NEB: variants seen among roughly 807,000 people sequenced by gnomAD.
NEB encodes nemaline myopathy type 2.
A neutral mutation model predicts 952.2 loss-of-function variants in NEB; 512 were observed. That is an observed-to-expected ratio of 0.54 (90% CI 0.50 to 0.58). The LOEUF is 0.58. Among genes scored for constraint, NEB ranks in the 20% least tolerant of loss-of-function variants. NEB has a pLI of 0.00. For synonymous variants in NEB, 2,900 were observed against 3,149.8 expected (o/e 0.92, Z 2.66); for missense variants, 8,428 against 9,231.1 (o/e 0.91, Z 3.56).
intron 178 of NEB, 140 bp downstream of exon 178, chr2:151,491,958 G>A: frequency 9.6e-7 from 1 of 1,038,778 alleles, no homozygotes; most frequent in East Asian, 2.4e-5. Flanking sequence ...TGTAAACTAT[G>A]AGATAATAGG....
intron 81 of NEB, 100 bp downstream of exon 81, chr2:151,609,709 G>A: frequency 8.7e-7 from 1 of 1,144,370 alleles, no homozygotes; most frequent in South Asian, 2.0e-5. Flanking sequence ...CCAGGTTTGT[G>A]CAGTGCACAG....
chr2:151,629,074 A>G (rs1026094498), intron 68 of NEB, among the ~76,000 whole-genome samples: 3 of 149,130 alleles, frequency 2.0e-5, no homozygotes, highest in Admixed American at 2.0e-4. Flanking sequence ...ATAATTTTCC[A>G]AAAAAAAATG....
intron 7 of NEB, 59 bp from the exon 8 acceptor site, chr2:151,724,423 T>A: frequency 1.5e-6 from 2 of 1,319,272 alleles, no homozygotes; most frequent in Non-Finnish European, 2.2e-6. Context: ...CATGAGGATT[T>A]AAACAACAAA....
At chr2:151,505,440 C>T (rs369636789) in intron 165 of NEB, 38 bp downstream of exon 165, 132 of 1,527,606 alleles carry the variant, frequency 8.6e-5, no homozygotes, top group Non-Finnish European at 1.1e-4. Flanking sequence ...TGAGAGATGG[C>T]CAGTCACACA....
Position 151,664,886 on chromosome 2 carries a change from A to G in NEB, c.5239-23T>C, listed in dbSNP as rs751024964. On this transcript the variant is annotated intron_variant, in intron 42 of 181. Transcript: ENST00000397345. ...CCTCTGCAATGAGAAAGTCAGGTGC[A>G]TGATTTTACAGCAGGACAAGTTTGA... is the stretch of plus-strand genomic sequence containing the variant. The G allele has an allele frequency of 6.5e-6, 10 of 1,544,218 alleles. No homozygotes were observed. The East Asian group carries it at 1.8e-4, about 28-fold the overall frequency.
chr2:151,528,484 T>G (rs2088060868), intron 146 of NEB, among the ~76,000 whole-genome samples: 1 of 152,228 alleles, frequency 6.6e-6, no homozygotes, highest in Non-Finnish European at 1.5e-5. Context: ...TACGTTTTAC[T>G]GCATTTGCTT....
At chr2:151,733,030 ATGTATTTTTC>A (rs2099812733) in intron 3 of NEB, 81 bp downstream of exon 3, 9 of 1,118,440 alleles carry the variant, frequency 8.0e-6, no homozygotes, top group Middle Eastern at 2.0e-4. Flanking sequence ...ATAATAGACA[ATGTATTTTTC>A]GAATGATTAA....
Position 151,553,938 on chromosome 2 carries a change from G to C in NEB, c.19516C>G (p.Gln6506Glu). 6.2e-7 allele frequency: 1 copy of C among 1,613,858 alleles called. No individual in the cohort carries two copies. The highest frequency in any genetic ancestry group is 8.5e-7 in the Non-Finnish European group (1 of 1,179,800). ...TAATCAATCTCACTGACTTTCTTCT[G>C]GGAATCCTTGGCAGTAACCATCTCT... ...MVEMVTAKDS[Q>E]KKVSEIDYRL... The change falls in exon 126 of 182, where the codon CAG becomes GAG. Residue 6506 changes from glutamine (Q) to glutamate (E), a missense_variant. Gln to Glu is a conservative substitution (Grantham distance 29, BLOSUM62 2). Coordinates refer to ENST00000397345, the MANE Select transcript of NEB (RefSeq NM_001164508.2).
chr2:151,609,123 A>T (rs1007346042), intron 81 of NEB, among the ~76,000 whole-genome samples: 17 of 150,838 alleles, frequency 1.1e-4, no homozygotes, highest in African/African-American at 2.4e-4. Flanking sequence ...ATTTAAAAAA[A>T]TTTTTTTAAG....
At chr2:151,691,767 A>C (rs1241551461) in intron 23 of NEB, 97 bp downstream of exon 23, 1 of 924,490 alleles carries the variant, frequency 1.1e-6, no homozygotes, top group African/African-American at 1.7e-5. Flanking sequence ...TCTCCTTCTA[A>C]TCACTAGATA....
chr2:151,717,559 T>C (rs369276552), intron 9 of NEB, 39 bp from the exon 10 acceptor site: 39 of 1,425,392 alleles, frequency 2.7e-5, no homozygotes, highest in Admixed American at 3.5e-5. Flanking sequence ...TTAAAAACGA[T>C]TATGCTTTCA....
At chr2:151,655,509 G>A in intron 50 of NEB, 135 bp from the exon 51 acceptor site, 1 of 515,518 alleles carries the variant, frequency 1.9e-6, no homozygotes, top group East Asian at 3.1e-5. Flanking sequence ...ATATAATTCA[G>A]AAAAGACCCT....
At chr2:151,550,266 C>CAAAAA (rs57057802) in intron 129 of NEB, among the ~76,000 whole-genome samples, 2 of 73,362 alleles carry the variant, frequency 2.7e-5, no homozygotes, top group Admixed American at 1.8e-4. Flanking sequence ...ACCCTGTCTC[C>CAAAAA]AAAAAAAAAA....
In NEB at chr2:151,527,502, C is replaced by T. The variant is rs1421876532; in HGVS notation, c.21819G>A (p.Lys7273=). 2 of 1,613,102 alleles carry T rather than the reference C, an allele frequency of 1.2e-6. No homozygotes were observed. Among genetic ancestry groups the T allele is most frequent in the African/African-American group, 2.7e-5 (2 of 74,900 alleles). The change falls in exon 147 of 182, where the codon AAG becomes AAA. Residue 7273 remains lysine (K), a synonymous_variant. Transcript: ENST00000397345. ...TTACATCGCTTTGCTGCAGGGATGA[C>T]TTGGCAGCCTGGAGGAAGTCCGGTC... The part of the protein sequence containing the change: ...PDRPDFLQAA[K]SSLQQSDFEY...
rs780247638 is a variant in NEB at position 151,654,025 on chromosome 2, C to T, written c.6882G>A (p.Gln2294=). 3.7e-6 allele frequency: 6 copies of T among 1,612,576 alleles called. No homozygotes were observed. The highest frequency in any genetic ancestry group is 1.3e-5 in the African/African-American group (1 of 75,026). ...YDLPVDAISV[Q]LAKASRDIAS... Reference sequence around the variant, plus strand: ...CAATGTCTCTTGAAGCTTTAGCTAGCTGTACAGAAATTGCATCAACTGGGA... The same window carrying T: ...CAATGTCTCTTGAAGCTTTAGCTAGTTGTACAGAAATTGCATCAACTGGGA... The change falls in exon 52 of 182, where the codon CAG becomes CAA. Residue 2294 remains glutamine (Q), a synonymous_variant. Transcript: ENST00000397345.
chr2:151,620,835 T>C, intron 72 of NEB, 84 bp downstream of exon 72: 1 of 1,056,296 alleles, frequency 9.5e-7, no homozygotes, highest in African/African-American at 1.6e-5. Flanking sequence ...GGAGTTAAGG[T>C]GGATGATGAC....
intron 20 of NEB, among the ~76,000 whole-genome samples, chr2:151,692,600 T>G (rs1337771216): frequency 1.3e-5 from 2 of 152,198 alleles, no homozygotes; most frequent in Non-Finnish European, 2.9e-5. Flanking sequence ...TTTTTCAGAC[T>G]GAAAAACGCA....
intron 129 of NEB, among the ~76,000 whole-genome samples, chr2:151,550,947 A>AATTATT (rs5835373): frequency 0.1 from 14,224 of 138,740 alleles, 795 homozygotes; most frequent in Middle Eastern, 0.13. Context: ...GCCTGGCCAA[A>AATTATT]ATTATTATTA....
intron 167 of NEB, 39 bp from the exon 168 acceptor site, chr2:151,501,522 C>T (rs2064537027): frequency 1.5e-5 from 18 of 1,225,552 alleles, no homozygotes; most frequent in Non-Finnish European, 1.9e-5. Flanking sequence ...AACCTGGACC[C>T]ATCATTTTTT....
Sources: gnomAD v4.1 joint callset for allele counts (sites outside exome capture counted in the v4.1 genomes callset) on GRCh38, gnomAD v4.1.1 for gene constraint, MANE v1.5 for transcripts, NCBI Gene and HGNC (gene_info 2026-07-23, HGNC 2026-07-21) for gene names.